Variants in GREB1L observed in about 807,000 individuals in gnomAD.
The protein encoded by GREB1L is GREB1-like protein.
A neutral mutation model predicts 200.8 loss-of-function variants in GREB1L; 17 were observed. That is an observed-to-expected ratio of 0.08 (90% CI 0.06 to 0.13). The LOEUF is 0.13. Ranked by LOEUF, GREB1L falls within the 10% of genes least tolerant of loss-of-function variation. The pLI is 1.00. For missense variants in GREB1L, 1,657 were observed against 2,367.7 expected, an observed-to-expected ratio of 0.70 and a Z score of 6.23; for synonymous variants, 789 against 893.0, an observed-to-expected ratio of 0.88 and a Z score of 2.08.
intron 6 of GREB1L, among the ~76,000 whole-genome samples, chr18:21,402,533 CTTTCT>C (rs1163021028): frequency 3.7e-5 from 5 of 135,946 alleles, no homozygotes; most frequent in East Asian, 4.3e-4. Context: ...CCTTCCTTTC[CTTTCT>C]TTTCTTTTCT....
chr18:21,514,786 A>G (rs950700456), intron 28 of GREB1L, among the ~76,000 whole-genome samples: 1 of 152,154 alleles, frequency 6.6e-6, no homozygotes, highest in Admixed American at 6.5e-5. Flanking sequence ...TCACCTCTCC[A>G]TATCTCAAGT....
chr18:21,472,999 T>C, intron 15 of GREB1L, 32 bp from the exon 16 acceptor site: 3 of 1,461,380 alleles, frequency 2.1e-6, no homozygotes, highest in Non-Finnish European at 2.8e-6. Flanking sequence ...TGTAAAAGTG[T>C]GTTAAAAGAT....
At chr18:21,455,570 C>T (rs1209085535) in intron 15 of GREB1L, among the ~76,000 whole-genome samples, 1 of 151,792 alleles carries the variant, frequency 6.6e-6, no homozygotes, top group Non-Finnish European at 1.5e-5. Flanking sequence ...GTTATCCCAG[C>T]TACTTGGGAG....
At chr18:21,243,007 C>T (rs1384533187) in intron 1 of GREB1L, among the ~76,000 whole-genome samples, 1 of 152,042 alleles carries the variant, frequency 6.6e-6, no homozygotes, top group Non-Finnish European at 1.5e-5. Context: ...AATGTCACTT[C>T]GTCACGAGCG....
chr18:21,519,015 T>A (rs1173351331), intron 31 of GREB1L, among the ~76,000 whole-genome samples: 1 of 152,240 alleles, frequency 6.6e-6, no homozygotes, highest in Non-Finnish European at 1.5e-5. Context: ...CGTACTCTTT[T>A]AACGCTAAAG....
Position 21,383,540 on chromosome 18 carries a change from C to CATTAA in GREB1L, c.23_24insTTAAA (p.Gln8HisfsTer2). The CATTAA allele has an allele frequency of 7.0e-7, 1 of 1,424,106 alleles. No individual in the cohort carries two copies. The highest frequency in any genetic ancestry group is 9.2e-7 in the Non-Finnish European group (1 of 1,081,166). The allele number at this position is 1,424,106 out of a possible 1,614,324, so 88.2% of individuals were successfully genotyped here. On this transcript the variant is annotated stop_gained and frameshift_variant, in exon 3 of 33. Coordinates refer to ENST00000424526, the MANE Select transcript of GREB1L (RefSeq NM_001142966.3). LOFTEE classifies it high-confidence loss of function. ...GATCATGGGGAATTCATATGCTGGG[C>CATTAA]AACTGAAATCTGCTCGATTTGAGGA... is the stretch of plus-strand genomic sequence containing the variant.
At chr18:21,246,656 C>G (rs1028191786) in intron 1 of GREB1L, among the ~76,000 whole-genome samples, 3 of 152,096 alleles carry the variant, frequency 2.0e-5, no homozygotes, top group East Asian at 1.9e-4. Context: ...ACCAAATTTT[C>G]CAATAGACTT....
chr18:21,397,853 T>A (rs2041151015), intron 5 of GREB1L, among the ~76,000 whole-genome samples: 1 of 152,236 alleles, frequency 6.6e-6, no homozygotes, highest in African/African-American at 2.4e-5. Flanking sequence ...CAGGATGTAC[T>A]GTGTGACAGA....
chr18:21,487,487 T>TA (rs577160583), intron 18 of GREB1L, among the ~76,000 whole-genome samples: 161 of 152,314 alleles, frequency 1.1e-3, no homozygotes, highest in Middle Eastern at 0.01. Context: ...CCCAGCCTAA[T>TA]AGTAGCTATG....
intron 1 of GREB1L, among the ~76,000 whole-genome samples, chr18:21,251,502 T>C (rs2037703590): frequency 6.6e-6 from 1 of 152,150 alleles, no homozygotes; most frequent in South Asian, 2.1e-4. Flanking sequence ...AGGGCATTTA[T>C]TTAAGCCAAA....
chr18:21,497,580 G>A (rs1277427299), intron 21 of GREB1L, among the ~76,000 whole-genome samples: 1 of 151,588 alleles, frequency 6.6e-6, no homozygotes. Context: ...GGAGGTGGAG[G>A]TTGCAGTGAG....
At chr18:21,458,523 C>T (rs1455595753) in intron 15 of GREB1L, among the ~76,000 whole-genome samples, 1 of 152,176 alleles carries the variant, frequency 6.6e-6, no homozygotes, top group African/African-American at 2.4e-5. Flanking sequence ...GCAGAAAGGG[C>T]ACATCCTTGG....
At chr18:21,373,476 G>A (rs2039958270) in intron 2 of GREB1L, among the ~76,000 whole-genome samples, 1 of 151,990 alleles carries the variant, frequency 6.6e-6, no homozygotes, top group Non-Finnish European at 1.5e-5. Context: ...TGGGATTATA[G>A]GCACCTACCA....
intron 21 of GREB1L, among the ~76,000 whole-genome samples, chr18:21,498,625 T>G (rs1417055936): frequency 1.3e-5 from 2 of 152,146 alleles, no homozygotes; most frequent in Non-Finnish European, 1.5e-5. Context: ...CTGGCCTTGC[T>G]CTGCTGAACT....
intron 1 of GREB1L, among the ~76,000 whole-genome samples, chr18:21,261,681 C>T (rs1264620556): frequency 2.0e-5 from 3 of 152,146 alleles, no homozygotes; most frequent in African/African-American, 4.8e-5. Flanking sequence ...TTTACTCCTG[C>T]ATTGACATTT....
intron 17 of GREB1L, 100 bp downstream of exon 17, chr18:21,477,456 TA>T: frequency 1.1e-6 from 1 of 942,976 alleles, no homozygotes; most frequent in East Asian, 2.9e-5. Context: ...ACCATATTCA[TA>T]AGAATTCAAA....
rs2037387959 is a variant in GREB1L at position 21,515,564 on chromosome 18, C to A, written c.5049C>A (p.Ala1683=). Residue 1683 remains alanine, a synonymous_variant, in exon 29 of 33, where the codon GCC becomes GCA. Transcript: ENST00000424526. ...AGCTGACTTCTCAGAGCCTAAAGGC[C>A]CCATTCTCTAGGTGTCACGTGCATG... The part of the protein sequence containing the change: ...SSKLTSQSLK[A]PFSRCHVHDF... The A allele has an allele frequency of 6.4e-7, 1 of 1,551,620 alleles. No homozygotes were observed. The highest frequency in any genetic ancestry group is 1.4e-5 in the African/African-American group (1 of 73,128).
intron 28 of GREB1L, among the ~76,000 whole-genome samples, chr18:21,514,667 G>A (rs2037354467): frequency 6.6e-6 from 1 of 152,186 alleles, no homozygotes; most frequent in Non-Finnish European, 1.5e-5. Flanking sequence ...GAACTCCTGG[G>A]CTCAAGCAGT....
chr18:21,273,140 A>G (rs2038105105), intron 1 of GREB1L, among the ~76,000 whole-genome samples: 1 of 152,186 alleles, frequency 6.6e-6, no homozygotes, highest in African/African-American at 2.4e-5. Context: ...GGCAGGGAGA[A>G]TCGCTTGAAC....
Sources: allele counts gnomAD v4.1 joint callset (sites outside exome capture counted in the v4.1 genomes callset), GRCh38; gene constraint gnomAD v4.1.1; transcripts MANE v1.5; gene names NCBI Gene and HGNC (gene_info 2026-07-23, HGNC 2026-07-21).